Variants in SPAG16 observed in about 807,000 individuals in gnomAD.
SPAG16 encodes sperm associated antigen 16.
Under a neutral mutation model 80.4 loss-of-function variants are expected in SPAG16, and 86 were observed. The observed-to-expected ratio is 1.07, with a 90% CI of 0.90 to 1.28. SPAG16 has a LOEUF of 1.28. Ranked by LOEUF, SPAG16 falls within the 50% of genes most tolerant of loss-of-function variation. SPAG16 has a pLI of 0.00. For synonymous variants in SPAG16, 294 were observed against 265.9 expected (o/e 1.11, Z -1.03); for missense variants, 870 against 765.3 (o/e 1.14, Z -1.61).
chr2:213,412,630 T>TG (rs2069039828), intron 9 of SPAG16, among the ~76,000 whole-genome samples: 2 of 149,154 alleles, frequency 1.3e-5, no homozygotes, highest in African/African-American at 5.2e-5. Flanking sequence ...GTTTATTTTT[T>TG]TTTGTTTGTT....
chr2:213,909,989 A>T (rs1384420744), intron 11 of SPAG16, among the ~76,000 whole-genome samples: 1 of 152,208 alleles, frequency 6.6e-6, no homozygotes, highest in Non-Finnish European at 1.5e-5. Flanking sequence ...CTAAATTCTA[A>T]GTGTTTTTCT....
At chr2:213,959,088 C>T (rs72950773) in intron 12 of SPAG16, among the ~76,000 whole-genome samples, 22,023 of 152,176 alleles carry the variant, frequency 0.14, 1,982 homozygotes, top group Non-Finnish European at 0.2. Context: ...GCATCACTGC[C>T]TTCTGGCTTC....
chr2:214,294,830 C>G (rs761277370), intron 15 of SPAG16, among the ~76,000 whole-genome samples: 1 of 152,128 alleles, frequency 6.6e-6, no homozygotes, highest in Non-Finnish European at 1.5e-5. Context: ...ATCTTAATGC[C>G]TCTCCCAATA....
At chr2:213,356,809 C>T (rs1441559558) in intron 7 of SPAG16, among the ~76,000 whole-genome samples, 1 of 152,002 alleles carries the variant, frequency 6.6e-6, no homozygotes, top group African/African-American at 2.4e-5. Flanking sequence ...TGTGTTTGTT[C>T]TTGCTTCTCT....
intron 13 of SPAG16, among the ~76,000 whole-genome samples, chr2:214,023,161 A>G (rs2047963828): frequency 6.6e-6 from 1 of 151,850 alleles, no homozygotes; most frequent in African/African-American, 2.4e-5. Context: ...GTAGGTAATC[A>G]CTTATGTTCA....
chr2:213,534,493 G>A (rs868610105), intron 10 of SPAG16, among the ~76,000 whole-genome samples: 15 of 151,992 alleles, frequency 9.9e-5, no homozygotes, highest in South Asian at 2.1e-4. Flanking sequence ...CTAAATTTAC[G>A]TCAAAAAGAA....
intron 10 of SPAG16, among the ~76,000 whole-genome samples, chr2:213,681,687 T>A (rs2064392201): frequency 6.6e-6 from 1 of 152,152 alleles, no homozygotes; most frequent in Non-Finnish European, 1.5e-5. Context: ...GGTTTCCTCA[T>A]CAAGGAAAGA....
At chr2:214,082,618 G>A (rs2051457094) in intron 13 of SPAG16, among the ~76,000 whole-genome samples, 1 of 152,098 alleles carries the variant, frequency 6.6e-6, no homozygotes, top group African/African-American at 2.4e-5. Context: ...AGATACAGTG[G>A]TTCTCAACTC....
At chr2:213,478,005 G>A (rs2073514261) in intron 9 of SPAG16, among the ~76,000 whole-genome samples, 1 of 152,148 alleles carries the variant, frequency 6.6e-6, no homozygotes, top group South Asian at 2.1e-4. Flanking sequence ...TTGTGATAGT[G>A]AGTGGGTCTC....
chr2:213,725,012 A>G (rs2066700438), intron 10 of SPAG16, among the ~76,000 whole-genome samples: 2 of 152,096 alleles, frequency 1.3e-5, no homozygotes, highest in African/African-American at 4.8e-5. Flanking sequence ...TAAAACGTCC[A>G]AAACCAAATA....
chr2:213,927,683 A>C (rs532589157), intron 11 of SPAG16, among the ~76,000 whole-genome samples: 2 of 152,326 alleles, frequency 1.3e-5, no homozygotes, highest in South Asian at 2.1e-4. Context: ...GCTTCATTCT[A>C]GTTGTAATTA....
At chr2:213,506,149 G>T (rs1326076136) in intron 10 of SPAG16, among the ~76,000 whole-genome samples, 1 of 151,974 alleles carries the variant, frequency 6.6e-6, no homozygotes, top group African/African-American at 2.4e-5. Context: ...ATTAAACTAA[G>T]TCTATTAAAC....
intron 10 of SPAG16, among the ~76,000 whole-genome samples, chr2:213,807,146 C>T (rs1351897041): frequency 2.0e-5 from 3 of 152,134 alleles, no homozygotes; most frequent in African/African-American, 7.2e-5. Flanking sequence ...CTATTTTGGT[C>T]CTAAACTCTC....
intron 6 of SPAG16, among the ~76,000 whole-genome samples, chr2:213,349,366 A>G (rs2065198311): frequency 6.6e-6 from 1 of 152,182 alleles, no homozygotes; most frequent in South Asian, 2.1e-4. Context: ...AAAATCAACA[A>G]AGTCAGATGT....
chr2:213,949,179 T>TTTTTTTTTTTTTTG (rs2079613121), intron 12 of SPAG16, among the ~76,000 whole-genome samples: 1 of 36,264 alleles, frequency 2.8e-5, no homozygotes, highest in Admixed American at 4.8e-4. Context: ...GTTTTTTTTT[T>TTTTTTTTTTTTTTG]TTTTTTTTTT....
intron 9 of SPAG16, among the ~76,000 whole-genome samples, chr2:213,464,011 T>A (rs112164332): frequency 2.3e-4 from 35 of 152,310 alleles, no homozygotes; most frequent in Non-Finnish European, 4.0e-4. Flanking sequence ...GAAGAGTCCT[T>A]ACTAGTACTA....
intron 10 of SPAG16, among the ~76,000 whole-genome samples, chr2:213,783,373 A>G (rs1313292873): frequency 1.3e-5 from 2 of 151,342 alleles, no homozygotes; most frequent in African/African-American, 4.8e-5. Context: ...AAGATTTTGA[A>G]GCCTTTTTAT....
At position 213,407,692 on chromosome 2, in the gene SPAG16, A is replaced by AAG. The variant is rs541595413; in HGVS notation, c.942+32587_942+32588dup. Among the ~76,000 whole-genome samples, 1,262 of 139,632 alleles carry AAG rather than the reference A, an allele frequency of 9.0e-3. 29 individuals are homozygous for AAG. The highest frequency in any genetic ancestry group is 0.032 in the African/African-American group (1,181 of 36,910). The allele number at this position is 139,632 out of a possible 152,430, so 91.6% of individuals were successfully genotyped here. On this transcript the variant is annotated intron_variant, in intron 9 of 15. Coordinates refer to ENST00000331683, the MANE Select transcript of SPAG16 (RefSeq NM_024532.5). ...AGAGAGACAGAGAGGAGAGAGACAG[A>AAG]AGAGAGAGAGAGAGACAGAGGAAAG... is the stretch of plus-strand genomic sequence containing the variant.
At chr2:214,302,952 C>T (rs1180188280) in intron 15 of SPAG16, among the ~76,000 whole-genome samples, 1 of 152,100 alleles carries the variant, frequency 6.6e-6, no homozygotes, top group Admixed American at 6.6e-5. Flanking sequence ...CTCCTGTTCA[C>T]TTTTGTTTTT....
Sources: allele counts gnomAD v4.1 joint callset (sites outside exome capture counted in the v4.1 genomes callset), GRCh38; gene constraint gnomAD v4.1.1; transcripts MANE v1.5; gene names NCBI Gene and HGNC (gene_info 2026-07-23, HGNC 2026-07-21).